Variants in MMS22L observed in about 807,000 individuals in gnomAD.
The protein encoded by MMS22L is MMS22 like, DNA repair protein.
MMS22L carries 74 observed loss-of-function variants against 159.1 expected under a neutral mutation model. The ratio of observed to expected loss-of-function variants is 0.47; its 90% CI spans 0.39 to 0.56. The LOEUF (loss-of-function observed/expected upper bound fraction) is 0.56, where lower values mean the gene tolerates loss of function less well. Among genes scored for constraint, MMS22L ranks in the 20% least tolerant of loss-of-function variants. The pLI, the probability that MMS22L is intolerant of heterozygous loss-of-function variation, is 0.00. For synonymous variants in MMS22L, 517 were observed against 506.9 expected (o/e 1.02, Z -0.27); for missense variants, 1,351 against 1,422.1 (o/e 0.95, Z 0.80).
chr6:97,238,022 A>G (rs1030910169), intron 11 of MMS22L, among the ~76,000 whole-genome samples: 3 of 152,232 alleles, frequency 2.0e-5, no homozygotes, highest in South Asian at 2.1e-4. Flanking sequence ...GGGAAAAGCA[A>G]AAGTATGAAT....
chr6:97,241,157 T>C (rs2128027074), intron 11 of MMS22L, among the ~76,000 whole-genome samples: 1 of 152,366 alleles, frequency 6.6e-6, no homozygotes, highest in South Asian at 2.1e-4. Context: ...TTTTTAAGGC[T>C]GAGTAGTATT....
chr6:97,147,435 G>A (rs1490504697), intron 24 of MMS22L, among the ~76,000 whole-genome samples: 1 of 152,134 alleles, frequency 6.6e-6, no homozygotes, highest in Non-Finnish European at 1.5e-5. Context: ...GTGCCTAGTA[G>A]TTATCTCACT....
chr6:97,179,617 T>A, intron 16 of MMS22L, 58 bp from the exon 17 acceptor site: 319 of 1,226,202 alleles, frequency 2.6e-4, no homozygotes, highest in Non-Finnish European at 3.3e-4. Context: ...AGTATAGAGA[T>A]TAAGAAGTAA....
At position 97,178,590 on chromosome 6, in the gene MMS22L, T is replaced by A; in HGVS notation, c.2537-5A>T. On this transcript the variant is annotated splice_polypyrimidine_tract_variant and splice_region_variant and intron_variant, in intron 17 of 24. Coordinates refer to ENST00000683635, the MANE Select transcript of MMS22L (RefSeq NM_001350599.2). ...ACTGTTTCATGTACTCTTTTTCTGT[T>A]AAAATAAAATAGTATTTGTTATATC... The A allele has an allele frequency of 8.4e-6, 12 of 1,428,768 alleles. No individual in the cohort carries two copies. The highest frequency in any genetic ancestry group is 1.2e-5 in the Non-Finnish European group (12 of 1,040,904). 88.5% of individuals were successfully genotyped at this position (1,428,768 alleles called of 1,614,324 possible).
intron 11 of MMS22L, among the ~76,000 whole-genome samples, chr6:97,243,905 C>T (rs1812352174): frequency 6.6e-6 from 1 of 152,030 alleles, no homozygotes; most frequent in Admixed American, 6.6e-5. Context: ...GCAAAGAGTC[C>T]TGTGATGTGA....
intron 14 of MMS22L, among the ~76,000 whole-genome samples, chr6:97,201,559 G>A (rs1489829942): frequency 6.6e-6 from 1 of 152,178 alleles, no homozygotes; most frequent in Non-Finnish European, 1.5e-5. Flanking sequence ...GTGTTAACAG[G>A]AAAATGTTTT....
chr6:97,194,829 G>A (rs908998161), intron 14 of MMS22L, among the ~76,000 whole-genome samples: 1 of 152,148 alleles, frequency 6.6e-6, no homozygotes, highest in Non-Finnish European at 1.5e-5. Context: ...AGGTGAAAAG[G>A]AGGAAAGTAA....
At chr6:97,264,785 C>T (rs981696663) in intron 8 of MMS22L, 1 of 151,844 alleles carries the variant, frequency 6.6e-6, no homozygotes, top group Non-Finnish European at 1.5e-5. Context: ...TAAAACAATC[C>T]CATATATAGT....
At chr6:97,156,782 AG>A (rs1801897861) in intron 22 of MMS22L, among the ~76,000 whole-genome samples, 1 of 152,172 alleles carries the variant, frequency 6.6e-6, no homozygotes, top group Non-Finnish European at 1.5e-5. Flanking sequence ...CTTTTTGCTT[AG>A]GATTATCTCG....
At chr6:97,246,178 G>A in intron 11 of MMS22L, 1 of 453,348 alleles carries the variant, frequency 2.2e-6, no homozygotes, top group Non-Finnish European at 4.4e-6. Flanking sequence ...AAAATGATAA[G>A]GTATGAAACG....
rs982114721 is a variant in MMS22L at position 97,204,879 on chromosome 6, AG to A, written c.2040-18190del. The stretch of plus-strand genomic sequence containing the variant: ...GGAGCCTTAGAGAACATCTAGCCAG[AG>A]AGCTGGCAATTTTTTTTTTTTTTTA... On this transcript the variant is annotated intron_variant, in intron 14 of 24. Coordinates refer to ENST00000683635, the MANE Select transcript of MMS22L (RefSeq NM_001350599.2). 1.5e-3 allele frequency among the ~76,000 whole-genome samples: 167 copies of A among 114,836 alleles called. 1 individual carries two copies. The Middle Eastern group carries it at 0.018, about 12-fold the overall frequency. 75.3% of individuals were successfully genotyped at this position (114,836 alleles called of 152,430 possible).
At chr6:97,248,066 T>C (rs1395256698) in intron 10 of MMS22L, among the ~76,000 whole-genome samples, 2 of 152,074 alleles carry the variant, frequency 1.3e-5, no homozygotes, top group Non-Finnish European at 2.9e-5. Flanking sequence ...TGTACGAGGG[T>C]TGGTCACTAA....
intron 18 of MMS22L, among the ~76,000 whole-genome samples, chr6:97,173,478 C>T (rs971643612): frequency 1.3e-5 from 2 of 151,934 alleles, no homozygotes; most frequent in Non-Finnish European, 2.9e-5. Flanking sequence ...TATAGAAGGG[C>T]CGACTTAGCA....
chr6:97,192,268 T>C (rs1359803073), intron 14 of MMS22L, among the ~76,000 whole-genome samples: 3 of 152,094 alleles, frequency 2.0e-5, no homozygotes, highest in Admixed American at 1.3e-4. Context: ...GTTTTGATGA[T>C]AAAGCACAGC....
intron 5 of MMS22L, 23 bp downstream of exon 5, chr6:97,272,951 CA>C (rs1562529084): frequency 6.2e-7 from 1 of 1,607,602 alleles, no homozygotes; most frequent in Non-Finnish European, 8.5e-7. Context: ...ATGCAGTGAT[CA>C]AAATACTCAT....
chr6:97,225,572 G>GT lies in MMS22L; in HGVS notation c.2039+3321dup, dbSNP rs202185434. On this transcript the variant is annotated intron_variant, in intron 14 of 24. Coordinates refer to ENST00000683635, the MANE Select transcript of MMS22L (RefSeq NM_001350599.2). ...CCATGTTGGCCAGGCTGGTCTCGAAGTTTTTTTTTTTTTCTTTTGAGACCC... is the reference window on the plus strand; with the variant it reads ...CCATGTTGGCCAGGCTGGTCTCGAAGTTTTTTTTTTTTTTCTTTTGAGACCC... 3.2e-3 allele frequency among the ~76,000 whole-genome samples: 448 copies of GT among 141,760 alleles called. 1 individual carries two copies. The highest frequency in any genetic ancestry group is 3.2e-3 in the Admixed American group (46 of 14,166). 93.0% of individuals were successfully genotyped at this position (141,760 alleles called of 152,430 possible).
chr6:97,165,202 T>C, intron 21 of MMS22L, 44 bp downstream of exon 21: 2 of 1,549,426 alleles, frequency 1.3e-6, no homozygotes, highest in Non-Finnish European at 8.9e-7. Flanking sequence ...TTAATAGAGC[T>C]TAATAATTTG....
chr6:97,232,070 T>A (rs1419944699), intron 12 of MMS22L, among the ~76,000 whole-genome samples: 1 of 152,188 alleles, frequency 6.6e-6, no homozygotes, highest in Admixed American at 6.5e-5. Context: ...ACTTAATCTT[T>A]TTTCCCTTCC....
chr6:97,146,095 G>T lies in MMS22L; in HGVS notation c.*711C>A. 1 of 138,482 alleles carries T rather than the reference G, an allele frequency of 7.2e-6. No individual in the cohort carries two copies. The highest frequency in any genetic ancestry group is 1.6e-5 in the Non-Finnish European group (1 of 63,568). 8.6% of individuals were successfully genotyped at this position (138,482 alleles called of 1,614,324 possible). The stretch of plus-strand genomic sequence containing the variant: ...CTCCTTTATTTCCTCCTCCTGATAT[G>T]ATTTTTTTTTTAATGACAACTCCAA... On this transcript the variant is annotated 3_prime_UTR_variant, in exon 25 of 25. Coordinates refer to ENST00000683635, the MANE Select transcript of MMS22L (RefSeq NM_001350599.2).
Sources: gnomAD v4.1 joint callset for allele counts (sites outside exome capture counted in the v4.1 genomes callset) on GRCh38, gnomAD v4.1.1 for gene constraint, MANE v1.5 for transcripts, NCBI Gene and HGNC (gene_info 2026-07-23, HGNC 2026-07-21) for gene names.